Variants in FAM13A observed in about 807,000 individuals in gnomAD.
FAM13A encodes the protein protein FAM13A.
Under a neutral mutation model 129.6 loss-of-function variants are expected in FAM13A, and 76 were observed. The observed-to-expected ratio is 0.59, with a 90% CI of 0.49 to 0.71. The LOEUF is 0.71. Among genes scored for constraint, FAM13A ranks in the 30% least tolerant of loss-of-function variants. The pLI is 0.00. For missense variants in FAM13A, 1,108 were observed against 1,249.3 expected (o/e 0.89, Z 1.70); for synonymous variants, 443 against 449.9 (o/e 0.98, Z 0.20).
chr4:88,961,613 C>T lies in FAM13A; in HGVS notation c.606-23372G>A, dbSNP rs941516904. 2.6e-5 allele frequency among the ~76,000 whole-genome samples: 4 copies of T among 152,064 alleles called. No homozygotes were observed. The East Asian group carries it at 5.8e-4, about 22-fold the overall frequency. On this transcript the variant is annotated intron_variant, in intron 4 of 23. Coordinates refer to ENST00000264344, the MANE Select transcript of FAM13A (RefSeq NM_014883.4). ...CGAACTCCTGACCTTGTGATCTGCC[C>T]GCCTCAGCCTCCCAGAGTGTTGGGA...
At chr4:88,919,211 G>A (rs1750604188) in intron 5 of FAM13A, among the ~76,000 whole-genome samples, 1 of 152,170 alleles carries the variant, frequency 6.6e-6, no homozygotes, top group Non-Finnish European at 1.5e-5. Flanking sequence ...AGTAAACCTG[G>A]TATTGAGCAG....
intron 3 of FAM13A, among the ~76,000 whole-genome samples, chr4:88,995,143 A>G (rs1192416684): frequency 1.4e-5 from 2 of 145,842 alleles, no homozygotes; most frequent in Non-Finnish European, 1.5e-5. Flanking sequence ...CCCAAAATGT[A>G]TATTTGTTGC....
At chr4:88,831,611 T>C (rs1391474494) in intron 7 of FAM13A, among the ~76,000 whole-genome samples, 2 of 152,120 alleles carry the variant, frequency 1.3e-5, no homozygotes, top group South Asian at 2.1e-4. Context: ...TAAGTGAAAA[T>C]ATATTTAAAA....
At chr4:88,756,006 T>G (rs1314943553) in intron 14 of FAM13A, among the ~76,000 whole-genome samples, 1 of 152,244 alleles carries the variant, frequency 6.6e-6, no homozygotes, top group Non-Finnish European at 1.5e-5. Flanking sequence ...ATAGAGTAGC[T>G]GACTGCTTAA....
intron 8 of FAM13A, among the ~76,000 whole-genome samples, chr4:88,801,555 C>T (rs1204018437): frequency 1.3e-5 from 2 of 152,172 alleles, no homozygotes. Context: ...AGAGGAAGAT[C>T]AGTGCACCTG....
At chr4:88,838,587 C>T (rs1193471495) in intron 7 of FAM13A, among the ~76,000 whole-genome samples, 1 of 151,880 alleles carries the variant, frequency 6.6e-6, no homozygotes, top group Non-Finnish European at 1.5e-5. Context: ...ATTAGCCGGG[C>T]GTGGTGGCGG....
intron 6 of FAM13A, among the ~76,000 whole-genome samples, chr4:88,871,734 C>A (rs11732471): frequency 0.12 from 17,643 of 152,152 alleles, 1,107 homozygotes; most frequent in Non-Finnish European, 0.14. Context: ...AGGATATTAT[C>A]CAGGAGAATT....
At chr4:88,800,986 C>A (rs1727347570) in intron 8 of FAM13A, among the ~76,000 whole-genome samples, 1 of 151,704 alleles carries the variant, frequency 6.6e-6, no homozygotes, top group Non-Finnish European at 1.5e-5. Flanking sequence ...AGAAAACATA[C>A]AATATGCTTC....
intron 6 of FAM13A, among the ~76,000 whole-genome samples, chr4:88,857,628 C>CA (rs1177788248): frequency 0.26 from 15,357 of 58,028 alleles, 1,788 homozygotes; most frequent in South Asian, 0.45. Flanking sequence ...GATTCTGCCT[C>CA]AAAAAAAAAA....
intron 6 of FAM13A, among the ~76,000 whole-genome samples, chr4:88,861,865 T>C (rs1181967600): frequency 6.6e-6 from 1 of 152,230 alleles, no homozygotes; most frequent in Non-Finnish European, 1.5e-5. Flanking sequence ...ACTATTTCCA[T>C]TTTAAAGGTG....
At chr4:88,955,996 A>G (rs905271050) in intron 4 of FAM13A, among the ~76,000 whole-genome samples, 2 of 152,210 alleles carry the variant, frequency 1.3e-5, no homozygotes, top group Admixed American at 6.5e-5. Context: ...AAAAATTTAA[A>G]CATTTATAAG....
At chr4:88,961,347 CTTTTTTTTTTTTTTTTTTTTTT>C (rs773764813) in intron 4 of FAM13A, among the ~76,000 whole-genome samples, 5 of 55,442 alleles carry the variant, frequency 9.0e-5, no homozygotes, top group East Asian at 4.9e-4. Context: ...TGGAATTTGC[CTTTTTTTTTTTTTTTTTTTTTT>C]TTTTTTTTTT....
At chr4:88,941,390 T>A (rs1453701240) in intron 4 of FAM13A, among the ~76,000 whole-genome samples, 1 of 152,224 alleles carries the variant, frequency 6.6e-6, no homozygotes, top group Non-Finnish European at 1.5e-5. Context: ...AACTTTAAAA[T>A]GACCGATCCA....
intron 2 of FAM13A, among the ~76,000 whole-genome samples, chr4:89,022,952 T>C (rs559051922): frequency 2.0e-5 from 3 of 152,334 alleles, no homozygotes; most frequent in South Asian, 2.1e-4. Context: ...AGTCCTGATA[T>C]GACTGAAGCC....
intron 6 of FAM13A, among the ~76,000 whole-genome samples, chr4:88,896,260 G>A (rs2150187158): frequency 6.8e-6 from 1 of 146,046 alleles, no homozygotes; most frequent in South Asian, 2.3e-4. Context: ...TCACACTCTG[G>A]GGACTGTTGT....
intron 4 of FAM13A, among the ~76,000 whole-genome samples, chr4:88,976,731 C>G (rs58388751): frequency 6.6e-6 from 1 of 150,482 alleles, no homozygotes; most frequent in Admixed American, 6.6e-5. Flanking sequence ...CACTGACTCA[C>G]ACAGAGCAAT....
intron 1 of FAM13A, among the ~76,000 whole-genome samples, chr4:89,036,754 T>C (rs1234508222): frequency 6.6e-6 from 1 of 152,224 alleles, no homozygotes; most frequent in African/African-American, 2.4e-5. Context: ...GTTGCTCTGC[T>C]CAGCCGCAGG....
intron 14 of FAM13A, among the ~76,000 whole-genome samples, chr4:88,751,331 C>T (rs7683339): frequency 0.44 from 67,580 of 151,992 alleles, 17,920 homozygotes; most frequent in African/African-American, 0.74. Context: ...CATCCTTCAC[C>T]AAACAACCGA....
rs140652030 is a variant in FAM13A, at chr4:88,728,259, CTG to C, written c.*272_*273del. 2,586 of 443,382 alleles carry C rather than the reference CTG, an allele frequency of 5.8e-3. No homozygotes were observed. Among genetic ancestry groups the C allele is most frequent in the Middle Eastern group, 8.0e-3 (13 of 1,626 alleles). 27.5% of individuals were successfully genotyped at this position (443,382 alleles called of 1,614,324 possible). A position where few individuals can be genotyped will look rare whatever the true frequency, so the allele number is the denominator to read the frequency against. ...TGCTAGTGTTAGGAAAGCTCCACTA[CTG>C]TGTGTGTGTGTGCGTGCATGCGCGT... On this transcript the variant is annotated 3_prime_UTR_variant, in exon 24 of 24. Transcript: ENST00000264344.
Sources: allele counts gnomAD v4.1 joint callset (sites outside exome capture counted in the v4.1 genomes callset), GRCh38; gene constraint gnomAD v4.1.1; transcripts MANE v1.5; gene names NCBI Gene and HGNC (gene_info 2026-07-23, HGNC 2026-07-21).